MAP4K3: variants seen among roughly 807,000 people sequenced by gnomAD.
The protein encoded by MAP4K3 is MAPK/ERK kinase kinase kinase 3.
MAP4K3 carries 94 observed loss-of-function variants against 143.5 expected under a neutral mutation model. The ratio of observed to expected loss-of-function variants is 0.65; its 90% CI spans 0.55 to 0.78. The LOEUF is 0.78. MAP4K3 is among the 30% of genes least tolerant of loss of function. The probability of loss-of-function intolerance (pLI) is 0.00; values close to 1 mark genes in which losing one functional copy is unlikely to be tolerated. For missense variants in MAP4K3, 1,077 were observed against 1,068.1 expected, an observed-to-expected ratio of 1.01 and a Z score of -0.12; for synonymous variants, 416 against 347.2, an observed-to-expected ratio of 1.20 and a Z score of -2.20.
intron 8 of MAP4K3, among the ~76,000 whole-genome samples, chr2:39,327,304 A>G (rs1380691548): frequency 1.3e-5 from 2 of 152,174 alleles, no homozygotes; most frequent in Non-Finnish European, 2.9e-5. Flanking sequence ...GTTCTATTAT[A>G]ATAATGGAAA....
intron 15 of MAP4K3, among the ~76,000 whole-genome samples, chr2:39,300,432 A>G (rs1682461975): frequency 1.3e-5 from 2 of 152,194 alleles, no homozygotes; most frequent in South Asian, 4.1e-4. Flanking sequence ...TGGGTTATAG[A>G]GTGTTAAGAA....
intron 18 of MAP4K3, among the ~76,000 whole-genome samples, chr2:39,291,396 T>G (rs189822326): frequency 6.6e-6 from 1 of 152,182 alleles, no homozygotes; most frequent in Non-Finnish European, 1.5e-5. Flanking sequence ...GGTAAATAAT[T>G]AAGAACATAA....
At chr2:39,358,820 G>A (rs1257231992) in intron 2 of MAP4K3, among the ~76,000 whole-genome samples, 1 of 152,066 alleles carries the variant, frequency 6.6e-6, no homozygotes, top group Non-Finnish European at 1.5e-5. Context: ...AGCAGCAGAG[G>A]GTAACTGCCC....
intron 29 of MAP4K3, among the ~76,000 whole-genome samples, chr2:39,259,257 G>A (rs1367503610): frequency 2.6e-5 from 4 of 152,108 alleles, no homozygotes; most frequent in Admixed American, 2.0e-4. Flanking sequence ...AACCTCATCA[G>A]CAACACTTGG....
In MAP4K3 at chr2:39,321,762, C is replaced by T. The variant is rs984652107; in HGVS notation, c.918+3756G>A. Among the ~76,000 whole-genome samples, 6 of 152,310 alleles carry T rather than the reference C, an allele frequency of 3.9e-5. No homozygotes were observed. The East Asian group carries it at 7.7e-4, about 20-fold the overall frequency. On this transcript the variant is annotated intron_variant, in intron 12 of 33. Transcript: ENST00000263881. ...GCCTTAGGGCTGGAGGTGGGACATG[C>T]GGGCAACAATACTGGTTTGTAAAGC...
At chr2:39,339,056 C>T (rs950666154) in intron 4 of MAP4K3, among the ~76,000 whole-genome samples, 1 of 152,180 alleles carries the variant, frequency 6.6e-6, no homozygotes, top group Non-Finnish European at 1.5e-5. Context: ...GTGGGAGAGA[C>T]TATTCTAGAA....
At chr2:39,293,139 G>T in intron 17 of MAP4K3, 91 bp downstream of exon 17, 1 of 941,858 alleles carries the variant, frequency 1.1e-6, no homozygotes, top group Non-Finnish European at 1.6e-6. Context: ...AAAAGACAAC[G>T]CAAACAAATA....
chr2:39,381,838 C>T (rs1211716034), intron 1 of MAP4K3, among the ~76,000 whole-genome samples: 4 of 152,200 alleles, frequency 2.6e-5, no homozygotes, highest in African/African-American at 9.7e-5. Flanking sequence ...AGCTCCCTCC[C>T]CTGGCCTAAC....
intron 2 of MAP4K3, among the ~76,000 whole-genome samples, chr2:39,369,193 G>GTTTTTTTGTTTTTTTTTTTTTT (rs747293878): frequency 5.3e-5 from 2 of 37,974 alleles, no homozygotes; most frequent in African/African-American, 1.2e-4. Flanking sequence ...CTTTGGGCTA[G>GTTTTTTTGTTTTTTTTTTTTTT]TTTTTTTTTT....
intron 1 of MAP4K3, among the ~76,000 whole-genome samples, chr2:39,413,635 T>C (rs1215984914): frequency 4.6e-5 from 7 of 151,902 alleles, no homozygotes; most frequent in African/African-American, 7.3e-5. Flanking sequence ...ACGGACTAAA[T>C]AGAAAGTGAA....
chr2:39,300,911 C>A (rs1274064921), intron 15 of MAP4K3, among the ~76,000 whole-genome samples: 2 of 152,186 alleles, frequency 1.3e-5, no homozygotes, highest in Admixed American at 1.3e-4. Flanking sequence ...TTACAGCCTA[C>A]GGTCTAGCAT....
At chr2:39,279,312 G>A (rs1456660913) in intron 23 of MAP4K3, among the ~76,000 whole-genome samples, 2 of 152,134 alleles carry the variant, frequency 1.3e-5, no homozygotes, top group African/African-American at 4.8e-5. Flanking sequence ...AAGATTTGTG[G>A]TCAGACAGTA....
At chr2:39,343,476 A>T in intron 3 of MAP4K3, 24 bp from the exon 4 acceptor site, 2 of 1,601,546 alleles carry the variant, frequency 1.2e-6, no homozygotes, top group Non-Finnish European at 1.7e-6. Context: ...AGAAGCATGT[A>T]TCATATTTTC....
intron 4 of MAP4K3, among the ~76,000 whole-genome samples, chr2:39,338,881 T>A (rs1377780076): frequency 6.6e-6 from 1 of 152,234 alleles, no homozygotes; most frequent in African/African-American, 2.4e-5. Context: ...ACCAAACCTG[T>A]TGGCACCTTG....
chr2:39,390,131 G>T (rs961450358), intron 1 of MAP4K3, among the ~76,000 whole-genome samples: 83 of 152,282 alleles, frequency 5.5e-4, no homozygotes, highest in African/African-American at 1.9e-3. Context: ...CATAAAAATG[G>T]AAAGGAGGTG....
chr2:39,303,944 A>T (rs954592920), intron 15 of MAP4K3, among the ~76,000 whole-genome samples: 3 of 152,224 alleles, frequency 2.0e-5, no homozygotes, highest in Non-Finnish European at 4.4e-5. Flanking sequence ...AGCATCAGTT[A>T]AGACGGATGT....
At chr2:39,362,307 T>C (rs1180550268) in intron 2 of MAP4K3, among the ~76,000 whole-genome samples, 1 of 152,186 alleles carries the variant, frequency 6.6e-6, no homozygotes, top group Admixed American at 6.5e-5. Context: ...TTATATTTGC[T>C]GGAAGATGAC....
chr2:39,296,452 A>C (rs1682285640), intron 16 of MAP4K3, among the ~76,000 whole-genome samples: 3 of 152,232 alleles, frequency 2.0e-5, no homozygotes. Context: ...TAACAAAACA[A>C]AACAAAAACA....
In MAP4K3 at chr2:39,295,722, T is replaced by TG. The variant is rs1366083480; in HGVS notation, c.1179-2455_1179-2454insC. Among the ~76,000 whole-genome samples, 165 of 150,142 alleles carry TG rather than the reference T, an allele frequency of 1.1e-3. 1 individual carries two copies. The highest frequency in any genetic ancestry group is 3.8e-3 in the African/African-American group (155 of 40,928). ...ATTGCATTCGCATTCCATGTTTTTTTTTTTTTTTTTTTTGAGATGGAGTCT... is the reference window on the plus strand; with the variant it reads ...ATTGCATTCGCATTCCATGTTTTTTTGTTTTTTTTTTTTTGAGATGGAGTCT... On this transcript the variant is annotated intron_variant, in intron 16 of 33. Transcript: ENST00000263881.
Sources: allele counts gnomAD v4.1 joint callset (sites outside exome capture counted in the v4.1 genomes callset), GRCh38; gene constraint gnomAD v4.1.1; transcripts MANE v1.5; gene names NCBI Gene and HGNC (gene_info 2026-07-23, HGNC 2026-07-21).